GPR153: variants seen among roughly 807,000 people sequenced by gnomAD.
The protein encoded by GPR153 is G protein-coupled receptor 153.
A neutral mutation model predicts 34.1 loss-of-function variants in GPR153; 27 were observed. The ratio of observed to expected loss-of-function variants is 0.79; its 90% CI spans 0.58 to 1.09. The LOEUF (loss-of-function observed/expected upper bound fraction) is 1.09. GPR153 is among the 50% of genes least tolerant of loss of function. The pLI, the probability that GPR153 is intolerant of heterozygous loss-of-function variation, is 0.00. For missense variants in GPR153, 848 were observed against 860.2 expected (o/e 0.99, Z 0.18); for synonymous variants, 408 against 405.4 (o/e 1.01, Z -0.08).
rs1638576463 is a variant in GPR153, at chr1:6,256,752, TA to T, written c.-109-1739del. Among the ~76,000 whole-genome samples the T allele has an allele frequency of 2.6e-5, 4 of 152,226 alleles. No homozygotes were observed. The South Asian group carries it at 8.3e-4, about 32-fold the overall frequency. The stretch of plus-strand genomic sequence containing the variant: ...CCTGAGCTCAAGTGATCCTCCCATC[TA>T]AACCTCCTGAGTAGCTGGGATTACA... On this transcript the variant is annotated intron_variant, in intron 1 of 5. Coordinates refer to ENST00000377893, the MANE Select transcript of GPR153 (RefSeq NM_207370.4).
rs1638456727 is a variant in GPR153 at position 6,251,875 on chromosome 1, A to G, written c.787-345T>C. ...CAGTGGCTCAATCATGGCTCACTGC[A>G]GCCTCCATCTCCTGGGCTTAAGAGA... is the stretch of plus-strand genomic sequence containing the variant. On this transcript the variant is annotated intron_variant, in intron 3 of 5. Coordinates refer to ENST00000377893, the MANE Select transcript of GPR153 (RefSeq NM_207370.4). This position sits in a 1 kb window ranked among gnomAD's most constrained non-coding sequence, Gnocchi z 4.9. Among the ~76,000 whole-genome samples the G allele has an allele frequency of 6.6e-6, 1 of 152,176 alleles. No homozygotes were observed. The highest frequency in any genetic ancestry group is 2.1e-4 in the South Asian group (1 of 4,826).
rs553641289 is a variant in GPR153, at chr1:6,249,417, G to C, written c.1751C>G (p.Thr584Ser). The C allele has an allele frequency of 8.7e-5, 119 of 1,375,560 alleles. No individual in the cohort carries two copies. The highest frequency in any genetic ancestry group is 1.1e-4 in the Non-Finnish European group (116 of 1,069,260). 85.2% of individuals were successfully genotyped at this position (1,375,560 alleles called of 1,614,324 possible). Residue 584 changes from threonine to serine, a missense_variant, in exon 6 of 6, where the codon ACC becomes AGC. Coordinates refer to ENST00000377893, the MANE Select transcript of GPR153 (RefSeq NM_207370.4). The surrounding 1 kb of genome is among the most constrained non-coding windows in gnomAD (Gnocchi z 4.3). ...GLRAAGGGGSTSSFLSSPSES... is the reference protein window; with the variant it reads ...GLRAAGGGGSSSSFLSSPSES... The stretch of plus-strand genomic sequence containing the variant: ...GGAGGGGGAACTCAGGAAGCTGCTG[G>C]TGCTGCCGCCGCCGCCCGCCGCGCG...
At chr1:6,255,109 A>G (rs1185144599) in intron 1 of GPR153, 95 bp from the exon 2 acceptor site, 1 of 459,634 alleles carries the variant, frequency 2.2e-6, no homozygotes, top group African/African-American at 2.0e-5. Context: ...CGAGCGCTAC[A>G]CTTTGAATGT....
At position 6,249,446 on chromosome 1, in the gene GPR153, C is replaced by G. The variant is rs984077123; in HGVS notation, c.1722G>C (p.Gly574=). 4 of 1,355,518 alleles carry G rather than the reference C, an allele frequency of 3.0e-6. No homozygotes were observed. The highest frequency in any genetic ancestry group is 1.9e-6 in the Non-Finnish European group (2 of 1,058,520). 84.0% of individuals were successfully genotyped at this position (1,355,518 alleles called of 1,614,324 possible). A position where few individuals can be genotyped will look rare whatever the true frequency, so the allele number is the denominator to read the frequency against. The change falls in exon 6 of 6, where the codon GGG becomes GGC. Residue 574 remains glycine (G), a synonymous_variant. Transcript: ENST00000377893. This position sits in a 1 kb window ranked among gnomAD's most constrained non-coding sequence, Gnocchi z 4.3. ...TGCCGCCGCCGCCCGCCGCGCGCAG[C>G]CCCCCGGGCTCGCCCCACGACGCGC... ...GLSASWGEPG[G]LRAAGGGGST... is the part of the protein sequence containing the mutation.
rs757520600 is a variant in GPR153, at chr1:6,254,050, TGTC to T, written c.451_453del (p.Asp151del). 6.2e-7 allele frequency: 1 copy of T among 1,613,410 alleles called. No individual in the cohort carries two copies. Among genetic ancestry groups the T allele is most frequent in the South Asian group, 1.1e-5 (1 of 91,080 alleles). ...CCATGGGTGTAGAAGCGCTCGCTGG[TGTC>T]GTGCCAGCCAACGGCAGGCAGGGCC... On this transcript the variant is annotated inframe_deletion, in exon 3 of 6. Coordinates refer to ENST00000377893, the MANE Select transcript of GPR153 (RefSeq NM_207370.4).
chr1:6,248,029 C>T lies in GPR153; in HGVS notation c.*1309G>A, dbSNP rs983773289. ...ACTGGGCACAGGCAGGCTCTATGCT[C>T]ACCTTGGAATTACCCCAGGTCTTCA... On this transcript the variant is annotated 3_prime_UTR_variant, in exon 6 of 6. Coordinates refer to ENST00000377893, the MANE Select transcript of GPR153 (RefSeq NM_207370.4). 2.0e-5 allele frequency: 3 copies of T among 152,448 alleles called. No individual in the cohort carries two copies. Among genetic ancestry groups the T allele is most frequent in the African/African-American group, 4.8e-5 (2 of 41,476 alleles). The allele number at this position is 152,448 out of a possible 1,614,324, so 9.4% of individuals were successfully genotyped here.
chr1:6,257,650 G>A (rs1387797299), intron 1 of GPR153, among the ~76,000 whole-genome samples: 5 of 152,268 alleles, frequency 3.3e-5, no homozygotes, highest in Admixed American at 3.3e-4. Context: ...AGGGCCTGGA[G>A]ACGGCCAGTA....
intron 2 of GPR153, 132 bp downstream of exon 2, chr1:6,254,418 C>T: frequency 1.1e-6 from 1 of 884,232 alleles, no homozygotes; most frequent in South Asian, 1.6e-5. Context: ...TACAGCAGCC[C>T]CTCCTGAGCC....
Position 6,250,557 on chromosome 1 carries a change from TCCATAG to T in GPR153, c.1041_1046del (p.Tyr348_Gly349del), listed in dbSNP as rs1638423159. The T allele has an allele frequency of 6.3e-7, 1 of 1,597,652 alleles. No homozygotes were observed. The highest frequency in any genetic ancestry group is 8.5e-7 in the Non-Finnish European group (1 of 1,173,524). On this transcript the variant is annotated inframe_deletion, in exon 5 of 6. Coordinates refer to ENST00000377893, the MANE Select transcript of GPR153 (RefSeq NM_207370.4). ...TCCTATCTAGGGCCACAAAATCACCTCCATAGCCATAGTCCAGGGAGCGCTCCAACA... is the reference window on the plus strand; with the variant it reads ...TCCTATCTAGGGCCACAAAATCACCTCCATAGTCCAGGGAGCGCTCCAACA...
In GPR153 at chr1:6,249,244, T is replaced by C. The variant is rs1022354032; in HGVS notation, c.*94A>G. ...CCTCACCCCTGGGAGGGGTGGCGCA[T>C]GTCTGCGCGCGGGGCGGAGGCGGGC... On this transcript the variant is annotated 3_prime_UTR_variant, in exon 6 of 6. Transcript: ENST00000377893. This position sits in a 1 kb window ranked among gnomAD's most constrained non-coding sequence, Gnocchi z 4.3. 1.1e-6 allele frequency: 1 copy of C among 945,940 alleles called. No individual in the cohort carries two copies. Among genetic ancestry groups the C allele is most frequent in the Non-Finnish European group, 1.4e-6 (1 of 726,884 alleles). 58.6% of individuals were successfully genotyped at this position (945,940 alleles called of 1,614,324 possible).
chr1:6,258,560 C>T (rs930553668), intron 1 of GPR153, among the ~76,000 whole-genome samples: 7 of 152,190 alleles, frequency 4.6e-5, no homozygotes, highest in Non-Finnish European at 1.0e-4. Context: ...GAGCACTGGG[C>T]CACCTCCAGC....
chr1:6,249,883 G>C lies in GPR153; in HGVS notation c.1285C>G (p.Leu429Val). The C allele has an allele frequency of 7.7e-7, 1 of 1,292,204 alleles. No homozygotes were observed. Among genetic ancestry groups the C allele is most frequent in the Non-Finnish European group, 9.8e-7 (1 of 1,016,362 alleles). 80.0% of individuals were successfully genotyped at this position (1,292,204 alleles called of 1,614,324 possible). Residue 429 changes from leucine (L) to valine (V), a missense_variant, in exon 6 of 6, where the codon CTG becomes GTG. Coordinates refer to ENST00000377893, the MANE Select transcript of GPR153 (RefSeq NM_207370.4). This position sits in a 1 kb window ranked among gnomAD's most constrained non-coding sequence, Gnocchi z 4.3. ...CGGCGCCGCTCGGGCCCGGCAGGCA[G>C]CACCAGGTGCGCCAGGGCGGCCAGG... ...EDLAALAHLV[L>V]PAGPERRRAS...
At position 6,248,235 on chromosome 1, in the gene GPR153, T is replaced by G. The variant is rs1393764772; in HGVS notation, c.*1103A>C. 1 of 152,248 alleles carries G rather than the reference T, an allele frequency of 6.6e-6. No homozygotes were observed. The highest frequency in any genetic ancestry group is 1.9e-4 in the East Asian group (1 of 5,182). The allele number at this position is 152,248 out of a possible 1,614,324, so 9.4% of individuals were successfully genotyped here. A position where few individuals can be genotyped will look rare whatever the true frequency, so the allele number is the denominator to read the frequency against. On this transcript the variant is annotated 3_prime_UTR_variant, in exon 6 of 6. Coordinates refer to ENST00000377893, the MANE Select transcript of GPR153 (RefSeq NM_207370.4). ...CAGGATGGAAGGCAAAGAAATACAT[T>G]GCTCCCAGGGGTTGGACGCCTGCCC...
chr1:6,259,677 T>C (rs1457796161), intron 1 of GPR153, among the ~76,000 whole-genome samples: 1 of 152,074 alleles, frequency 6.6e-6, no homozygotes, highest in African/African-American at 2.4e-5. Context: ...AGTCTTGGCA[T>C]GGGAGAGGAA....
At chr1:6,253,653 C>T in intron 3 of GPR153, 65 bp downstream of exon 3, 1 of 1,398,086 alleles carries the variant, frequency 7.2e-7, no homozygotes, top group Admixed American at 2.3e-5. Context: ...CACCTGATGC[C>T]TGGAGTATGA....
Position 6,251,640 on chromosome 1 carries a change from T to C in GPR153, c.787-110A>G, listed in dbSNP as rs1415333348. The C allele has an allele frequency of 2.4e-5, 29 of 1,228,502 alleles. No homozygotes were observed. In the East Asian group the frequency reaches 7.6e-4, roughly 32 times the overall value. 76.1% of individuals were successfully genotyped at this position (1,228,502 alleles called of 1,614,324 possible). The stretch of plus-strand genomic sequence containing the variant: ...ACGGCAGGTCTGACAGGTGGGTATC[T>C]GCCAAGGAGAAGGGGCCCTTGGGGA... On this transcript the variant is annotated intron_variant, in intron 3 of 5. Transcript: ENST00000377893. This position sits in a 1 kb window ranked among gnomAD's most constrained non-coding sequence, Gnocchi z 4.9.
In GPR153 at chr1:6,249,838, C is replaced by A; in HGVS notation, c.1330G>T (p.Ala444Ser). The A allele has an allele frequency of 8.1e-7, 1 of 1,237,892 alleles. No individual in the cohort carries two copies. The highest frequency in any genetic ancestry group is 1.0e-6 in the Non-Finnish European group (1 of 989,828). 76.7% of individuals were successfully genotyped at this position (1,237,892 alleles called of 1,614,324 possible). ...GCGCGGGACGGTGGTGCGTCCTCCG[C>A]GAAGGCCAGGAGGCTGGCGCGGCGC... is the stretch of plus-strand genomic sequence containing the variant. The part of the protein sequence containing the change: ...ERRRASLLAF[A>S]EDAPPSRARR... Residue 444 changes from alanine to serine, a missense_variant, in exon 6 of 6, where the codon GCG becomes TCG. Transcript: ENST00000377893. The surrounding 1 kb of genome is among the most constrained non-coding windows in gnomAD (Gnocchi z 4.3).
intron 1 of GPR153, among the ~76,000 whole-genome samples, chr1:6,256,159 G>A (rs1220055951): frequency 6.6e-6 from 1 of 152,056 alleles, no homozygotes; most frequent in Non-Finnish European, 1.5e-5. Context: ...GGGCTTCCAG[G>A]AGTGAGTTCT....
In GPR153 at chr1:6,257,677, G is replaced by C. The variant is rs1048736759; in HGVS notation, c.-109-2663C>G. 3.9e-5 allele frequency among the ~76,000 whole-genome samples: 6 copies of C among 152,272 alleles called. 1 individual carries two copies. The highest frequency in any genetic ancestry group is 7.3e-5 in the Non-Finnish European group (5 of 68,046). On this transcript the variant is annotated intron_variant, in intron 1 of 5. Coordinates refer to ENST00000377893, the MANE Select transcript of GPR153 (RefSeq NM_207370.4). ...CGGCCAGTAGACCAGACCAGAGCTT[G>C]ACTCTGAAGTCAGAGGAAGTGCCGA... is the stretch of plus-strand genomic sequence containing the variant.
Sources: allele counts gnomAD v4.1 joint callset (sites outside exome capture counted in the v4.1 genomes callset), GRCh38; gene constraint gnomAD v4.1.1; non-coding constraint Gnocchi (gnomAD v3.1); transcripts MANE v1.5; gene names NCBI Gene and HGNC (gene_info 2026-07-23, HGNC 2026-07-21).